The following COL9A1 variants were observed in gnomAD, a reference collection of about 807,000 sequenced individuals.
COL9A1 encodes the protein collagen type IX alpha 1 chain.
COL9A1 carries 104 observed loss-of-function variants against 142.6 expected under a neutral mutation model. The observed-to-expected ratio is 0.73, with a 90% confidence interval of 0.62 to 0.86. The LOEUF is 0.86. Among genes scored for constraint, COL9A1 ranks in the 40% least tolerant of loss-of-function variants. The pLI is 0.00. For missense variants in COL9A1, 1,210 were observed against 1,176.6 expected (o/e 1.03, Z -0.42); for synonymous variants, 466 against 396.0 (o/e 1.18, Z -2.10).
intron 36 of COL9A1, among the ~76,000 whole-genome samples, chr6:70,227,920 G>GA (rs1769335631): frequency 6.6e-6 from 1 of 151,986 alleles, no homozygotes; most frequent in Non-Finnish European, 1.5e-5. Context: ...AAAGGATGTA[G>GA]AAAAAATACA....
At chr6:70,267,498 T>A (rs1772104464) in intron 17 of COL9A1, among the ~76,000 whole-genome samples, 1 of 151,772 alleles carries the variant, frequency 6.6e-6, no homozygotes, top group Non-Finnish European at 1.5e-5. Context: ...AATTTTGTAT[T>A]TTTAGTAGAG....
chr6:70,276,097 A>G (rs1772741721), intron 10 of COL9A1, among the ~76,000 whole-genome samples: 2 of 152,214 alleles, frequency 1.3e-5, no homozygotes, highest in Non-Finnish European at 2.9e-5. Flanking sequence ...GAAGAAAAAT[A>G]TTAAACACAC....
intron 25 of COL9A1, 81 bp downstream of exon 25, chr6:70,254,394 TA>T (rs1263985201): frequency 8.2e-7 from 1 of 1,218,156 alleles, no homozygotes; most frequent in Non-Finnish European, 1.2e-6. Flanking sequence ...CTTATCAGAT[TA>T]GGTAGCATGT....
At chr6:70,288,505 C>A (rs973606363) in intron 5 of COL9A1, among the ~76,000 whole-genome samples, 1 of 152,204 alleles carries the variant, frequency 6.6e-6, no homozygotes, top group African/African-American at 2.4e-5. Context: ...TTCAAAACCA[C>A]CTGGTAGCCA....
At chr6:70,282,663 G>A (rs1368331861) in intron 7 of COL9A1, among the ~76,000 whole-genome samples, 2 of 152,214 alleles carry the variant, frequency 1.3e-5, no homozygotes, top group Non-Finnish European at 2.9e-5. Flanking sequence ...TTCAGCGCCA[G>A]AGCCTGCAGT....
intron 14 of COL9A1, among the ~76,000 whole-genome samples, chr6:70,271,153 A>T (rs638167): frequency 6.6e-6 from 1 of 152,188 alleles, no homozygotes; most frequent in East Asian, 1.9e-4. Flanking sequence ...GCGCCTTCAC[A>T]TAACATCACT....
intron 5 of COL9A1, among the ~76,000 whole-genome samples, chr6:70,288,717 G>A (rs1279833866): frequency 6.6e-6 from 1 of 152,056 alleles, no homozygotes; most frequent in Non-Finnish European, 1.5e-5. Flanking sequence ...TCCTCCCCCA[G>A]ATATCCAGAT....
intron 5 of COL9A1, among the ~76,000 whole-genome samples, 156 bp downstream of exon 5, chr6:70,294,011 C>T (rs1468145850): frequency 1.3e-5 from 2 of 152,200 alleles, no homozygotes; most frequent in Non-Finnish European, 2.9e-5. Flanking sequence ...CAACTTTAAG[C>T]TCCTCAAGAC....
At chr6:70,265,428 GT>G (rs66845404) in intron 18 of COL9A1, among the ~76,000 whole-genome samples, 19,127 of 149,326 alleles carry the variant, frequency 0.13, 1,520 homozygotes, top group Non-Finnish European at 0.18. Flanking sequence ...GTACACACTT[GT>G]TTTTTGTAGT....
Position 70,280,832 on chromosome 6 carries a change from G to C in COL9A1, c.955C>G (p.Pro319Ala). Residue 319 changes from proline to alanine, a missense_variant, in exon 10 of 38, where the codon CCT (proline) becomes GCT (alanine). Coordinates refer to ENST00000357250, the MANE Select transcript of COL9A1 (RefSeq NM_001851.6). The stretch of plus-strand genomic sequence containing the variant: ...CTCACATCAGCGCCAGGTGTGCCAG[G>C]CTTGCCTGGAGCTCCTGGCTTTCCC... ...EPGKPGAPGK[P>A]GTPGADGLTG... The C allele has an allele frequency of 6.2e-7, 1 of 1,613,188 alleles. No individual in the cohort carries two copies. Among genetic ancestry groups the C allele is most frequent in the South Asian group, 1.1e-5 (1 of 90,920 alleles).
In COL9A1 at chr6:70,252,258, T is replaced by G; in HGVS notation, c.1818+4A>C. 1 of 1,614,194 alleles carries G rather than the reference T, an allele frequency of 6.2e-7. No homozygotes were observed. ...ACTTCAGGAGAGGTAAAATGGTGTC[T>G]TACCGGTTTGCCTGAATTTCCCATC... On this transcript the variant is annotated splice_donor_region_variant and intron_variant, in intron 27 of 37. Transcript: ENST00000357250.
Position 70,256,805 on chromosome 6 carries a change from T to A in COL9A1, c.1466A>T (p.Asp489Val), listed in dbSNP as rs901000489. Residue 489 changes from aspartate (D) to valine (V), a missense_variant, in exon 21 of 38, where the codon GAT becomes GTT. Coordinates refer to ENST00000357250, the MANE Select transcript of COL9A1 (RefSeq NM_001851.6). ...DKGEKGARGL[D>V]GEPGPQGLPG... ...AAGACCCTGAGGCCCAGGTTCACCA[T>A]CTAAGCCCCGAGCACCCTGCAAAAA... 6.2e-7 allele frequency: 1 copy of A among 1,612,602 alleles called. No individual in the cohort carries two copies. Among genetic ancestry groups the A allele is most frequent in the African/African-American group, 1.3e-5 (1 of 74,546 alleles).
At position 70,255,422 on chromosome 6, in the gene COL9A1, A is replaced by C. The variant is rs633762; in HGVS notation, c.1504-32T>G. 1,262,310 of 1,596,956 alleles carry C rather than the reference A, an allele frequency of 0.79. 501,288 individuals carry two copies. Among genetic ancestry groups the C allele is most frequent in the African/African-American group, 0.96 (71,847 of 74,674 alleles). Reference sequence around the variant, plus strand: ...GAAAATAAAATTTTGTTAATACAAGAAAAAGTTACTTATTAATCAACTTTT... The same window carrying C: ...GAAAATAAAATTTTGTTAATACAAGCAAAAGTTACTTATTAATCAACTTTT... On this transcript the variant is annotated intron_variant, in intron 21 of 37. Transcript: ENST00000357250.
At chr6:70,280,411 G>T (rs757428483) in intron 10 of COL9A1, 1 of 1,187,738 alleles carries the variant, frequency 8.4e-7, no homozygotes, top group Non-Finnish European at 1.0e-6. Context: ...GAGCAAGGGC[G>T]AAGGCTAGCT....
rs557982700 is a variant in COL9A1, at chr6:70,264,120, C to A, written c.1342-823G>T. On this transcript the variant is annotated intron_variant, in intron 18 of 37. Transcript: ENST00000357250. ...CTATATGATGTTGCCAATGCCACAACATGTTAATTACTGAAATTCTATAAT... is the reference window on the plus strand; with the variant it reads ...CTATATGATGTTGCCAATGCCACAAAATGTTAATTACTGAAATTCTATAAT... Among the ~76,000 whole-genome samples, 31 of 152,064 alleles carry A rather than the reference C, an allele frequency of 2.0e-4. No homozygotes were observed. In the South Asian group the frequency reaches 6.4e-3, roughly 32 times the overall value.
chr6:70,236,968 T>G (rs1207892662), intron 33 of COL9A1, among the ~76,000 whole-genome samples: 1 of 152,092 alleles, frequency 6.6e-6, no homozygotes, highest in African/African-American at 2.4e-5. Flanking sequence ...ATTACAGGCG[T>G]GCGCCATGAC....
Position 70,216,239 on chromosome 6 carries a change from C to A in COL9A1, c.*658G>T, listed in dbSNP as rs974664294. ...GAATGCCAGAGTATTAAAATTATTT[C>A]TTTGCTTTCACATAGAAGCGCTCAA... On this transcript the variant is annotated 3_prime_UTR_variant, in exon 38 of 38. Transcript: ENST00000357250. 1.3e-5 allele frequency: 2 copies of A among 152,672 alleles called. No individual in the cohort carries two copies. The highest frequency in any genetic ancestry group is 2.9e-5 in the Non-Finnish European group (2 of 68,024). 9.5% of individuals were successfully genotyped at this position (152,672 alleles called of 1,614,324 possible). A position where few individuals can be genotyped will look rare whatever the true frequency, so the allele number is the denominator to read the frequency against.
At chr6:70,280,736 C>G (rs1773098188) in intron 10 of COL9A1, 76 bp downstream of exon 10, 1 of 1,493,094 alleles carries the variant, frequency 6.7e-7, no homozygotes, top group Non-Finnish European at 9.1e-7. Context: ...TCTCCCTCCC[C>G]CCCCACAAAA....
chr6:70,239,150 G>T, intron 33 of COL9A1, 104 bp downstream of exon 33: 4 of 794,356 alleles, frequency 5.0e-6, no homozygotes, highest in Admixed American at 2.3e-5. Context: ...AAAAAAAAAA[G>T]AATTGAATGT....
Sources: gnomAD v4.1 joint callset for allele counts (sites outside exome capture counted in the v4.1 genomes callset) on GRCh38, gnomAD v4.1.1 for gene constraint, MANE v1.5 for transcripts, NCBI Gene and HGNC (gene_info 2026-07-23, HGNC 2026-07-21) for gene names.